Variants in RGPD1 observed in about 807,000 individuals in gnomAD.
RGPD1 encodes RANBP2 like and GRIP domain containing 1, also known as RANBP2-like and GRIP domain-containing protein 1.
A neutral mutation model predicts 40.6 loss-of-function variants in RGPD1; 7 were observed. The ratio of observed to expected loss-of-function variants is 0.17; its 90% CI spans 0.10 to 0.32. The LOEUF is 0.32. Ranked by LOEUF, RGPD1 falls within the 10% of genes least tolerant of loss-of-function variation. RGPD1 has a pLI of 1.00. For synonymous variants in RGPD1, 24 were observed against 167.0 expected, an observed-to-expected ratio of 0.14 and a Z score of 6.60; for missense variants, 50 against 472.5, an observed-to-expected ratio of 0.11 and a Z score of 8.29.
rs554030599 is a variant in RGPD1 at position 86,930,164 on chromosome 2, C to G, written c.72+16243C>G. On this transcript the variant is annotated intron_variant, in intron 1 of 22. Transcript: ENST00000398193. ...GGGGGTGTGGGGGCAGGGGTCACCC[C>G]TGCCCCAGACTCACCCTCCTGATGA... is the stretch of plus-strand genomic sequence containing the variant. 1.7e-5 allele frequency: 24 copies of G among 1,450,838 alleles called. 1 individual carries two copies. In the African/African-American group the frequency reaches 3.2e-4, roughly 19 times the overall value. 89.9% of individuals were successfully genotyped at this position (1,450,838 alleles called of 1,614,324 possible).
In RGPD1 at chr2:86,943,872, G is replaced by T. The variant is rs1256630312; in HGVS notation, c.72+1564G>T. On this transcript the variant is annotated intron_variant, in intron 1 of 22. Coordinates refer to ENST00000641458, the MANE Select transcript of RGPD1 (RefSeq NM_001382344.1). ...CTAAAAATAGAAAAAAAGTTAGCCG[G>T]GCGTGGTGGTGCACACCTGTAGTCC... Among the ~76,000 whole-genome samples, 4 of 152,126 alleles carry T rather than the reference G, an allele frequency of 2.6e-5. No individual in the cohort carries two copies. In the East Asian group the frequency reaches 7.8e-4, roughly 30 times the overall value.
chr2:86,960,633 A>C, intron 6 of RGPD1, among the ~76,000 whole-genome samples: 1 of 124,846 alleles, frequency 8.0e-6, no homozygotes, highest in Non-Finnish European at 1.6e-5. Flanking sequence ...TCTGTTGCCC[A>C]GGCTGGAGTG....
rs1423069944 is a variant in RGPD1, at chr2:86,920,424, GTTCT to G, written c.72+6506_72+6509del. Reference sequence around the variant, plus strand: ...AAGTGACATTATCCTCAATTTTTCTGTTCTTTATTACATGTGAAAAGATTAAGCC... The same window carrying G: ...AAGTGACATTATCCTCAATTTTTCTGTTATTACATGTGAAAAGATTAAGCC... On this transcript the variant is annotated intron_variant, in intron 1 of 22. Transcript: ENST00000398193. Among the ~76,000 whole-genome samples the G allele has an allele frequency of 3.4e-5, 5 of 149,144 alleles. No homozygotes were observed. The East Asian group carries it at 5.8e-4, about 17-fold the overall frequency.
intron 1 of RGPD1, among the ~76,000 whole-genome samples, chr2:86,933,687 AAG>A (rs1679144480): frequency 2.4e-5 from 3 of 123,456 alleles, no homozygotes; most frequent in South Asian, 5.5e-4. Context: ...GTGACACAAA[AAG>A]ATTTTCATTC....
rs1160123598 is a variant in RGPD1 at position 86,918,453 on chromosome 2, C to CTTT, written c.72+4554_72+4556dup. Among the ~76,000 whole-genome samples the CTTT allele has an allele frequency of 3.5e-3, 270 of 78,084 alleles. 4 individuals are homozygous for CTTT. Among genetic ancestry groups the CTTT allele is most frequent in the Middle Eastern group, 0.011 (1 of 94 alleles). The allele number at this position is 78,084 out of a possible 152,430, so 51.2% of individuals were successfully genotyped here. On this transcript the variant is annotated intron_variant, in intron 1 of 22. Coordinates refer to the RGPD1 transcript ENST00000398193. ...TATGTTTTAGCCTTGCACACCAAAT[C>CTTT]TTTTTTTTTTTTTTTTTTTTTTTTG...
chr2:86,925,532 T>G (rs1434807208), intron 1 of RGPD1, among the ~76,000 whole-genome samples: 18 of 152,174 alleles, frequency 1.2e-4, no homozygotes. Flanking sequence ...CCTCCCAAAG[T>G]TTTGGGATTA....
Position 86,918,107 on chromosome 2 carries a change from T to C in RGPD1, c.72+4186T>C, listed in dbSNP as rs1477869624. 3.3e-5 allele frequency among the ~76,000 whole-genome samples: 5 copies of C among 150,524 alleles called. 1 individual carries two copies. The highest frequency in any genetic ancestry group is 4.9e-5 in the African/African-American group (2 of 40,932). On this transcript the variant is annotated intron_variant, in intron 1 of 22. Coordinates refer to the RGPD1 transcript ENST00000398193. ...TAAGATTGTCTTTTTACACACATAT[T>C]GCTTAGGATGTGAAGAGGAAGGTTT...
chr2:86,927,163 G>C (rs1318744258), intron 1 of RGPD1, among the ~76,000 whole-genome samples: 2 of 151,346 alleles, frequency 1.3e-5, no homozygotes, highest in Admixed American at 6.6e-5. Context: ...TACACTTTTT[G>C]CTCCACACAA....
At chr2:86,941,555 C>G (rs1362650517), upstream of RGPD1, among the ~76,000 whole-genome samples, 1 of 150,090 alleles carries the variant, frequency 6.7e-6, no homozygotes, top group Non-Finnish European at 1.5e-5. Context: ...AATGGCTGTT[C>G]CTATATACAC....
At chr2:86,943,888 C>A (rs763801322) in intron 1 of RGPD1, among the ~76,000 whole-genome samples, 9 of 152,012 alleles carry the variant, frequency 5.9e-5, no homozygotes, top group Non-Finnish European at 1.0e-4. Flanking sequence ...GTGGTGCACA[C>A]CTGTAGTCCC....
At chr2:86,937,316 C>A (rs1483687169), upstream of RGPD1, among the ~76,000 whole-genome samples, 1 of 151,614 alleles carries the variant, frequency 6.6e-6, no homozygotes, top group Non-Finnish European at 1.5e-5. Flanking sequence ...TTATTCTGAC[C>A]AGGAGGTCAG....
chr2:86,924,725 A>G (rs779344327), intron 1 of RGPD1, among the ~76,000 whole-genome samples: 12 of 151,754 alleles, frequency 7.9e-5, no homozygotes, highest in Non-Finnish European at 1.3e-4. Context: ...TCCTGCCCCT[A>G]TCTCCCAAAG....
chr2:86,938,615 T>TA (rs1243416193), upstream of RGPD1, among the ~76,000 whole-genome samples: 1 of 150,346 alleles, frequency 6.7e-6, no homozygotes, highest in Admixed American at 6.6e-5. Context: ...AAAAAAAAAA[T>TA]AAATAAATAA....
intron 1 of RGPD1, among the ~76,000 whole-genome samples, chr2:86,927,047 T>C (rs1678561881): frequency 1.3e-5 from 2 of 152,226 alleles, no homozygotes; most frequent in South Asian, 4.1e-4. Flanking sequence ...TCATGATTTT[T>C]TTCATTTGTG....
chr2:86,986,920 AGTGGT>A lies in RGPD1; in HGVS notation c.4023_4027del (p.Ser1341ArgfsTer4). 1.3e-6 allele frequency: 2 copies of A among 1,594,104 alleles called. No homozygotes were observed. The highest frequency in any genetic ancestry group is 1.7e-6 in the Non-Finnish European group (2 of 1,179,352). ...TTTACCTGATCTAGTTGAAGTATCCAGTGGTGAGGAAAATGAACAAGTTGTTTTTA... is the reference window on the plus strand; with the variant it reads ...TTTACCTGATCTAGTTGAAGTATCCAGAGGAAAATGAACAAGTTGTTTTTA... On this transcript the variant is annotated frameshift_variant, in exon 20 of 23. Transcript: ENST00000641458. LOFTEE classifies it high-confidence loss of function.
chr2:86,930,640 C>A (rs1414518352), intron 1 of RGPD1: 7 of 1,611,476 alleles, frequency 4.3e-6, no homozygotes, highest in Non-Finnish European at 5.9e-6. Flanking sequence ...TGAACACTCT[C>A]ACAGAGGTAG....
In RGPD1 at chr2:86,926,801, C is replaced by T. The variant is rs985344333; in HGVS notation, c.72+12880C>T. Among the ~76,000 whole-genome samples, 9 of 152,124 alleles carry T rather than the reference C, an allele frequency of 5.9e-5. 1 individual carries two copies. Among genetic ancestry groups the T allele is most frequent in the Admixed American group, 3.3e-4 (5 of 15,264 alleles). On this transcript the variant is annotated intron_variant, in intron 1 of 22. Transcript: ENST00000398193. Reference sequence around the variant, plus strand: ...TTGTCTGAGATCTCACAAATACAACCTAGATAAGAACCCAGGTATTATTAT... The same window carrying T: ...TTGTCTGAGATCTCACAAATACAACTTAGATAAGAACCCAGGTATTATTAT...
chr2:86,945,376 G>A (rs1490008409), intron 1 of RGPD1, among the ~76,000 whole-genome samples: 2 of 152,140 alleles, frequency 1.3e-5, no homozygotes, highest in Admixed American at 1.3e-4. Context: ...ACAAAACAGG[G>A]TGCTTTGGAT....
chr2:86,914,702 CGGCGGCCTCGACCTGGCCG>C (rs1677689843), intron 1 of RGPD1, among the ~76,000 whole-genome samples: 1 of 40,956 alleles, frequency 2.4e-5, no homozygotes, highest in Non-Finnish European at 4.6e-5. Context: ...GCGGCGGCGG[CGGCGGCCTCGACCTGGCCG>C]GGCGGCGGCG....
Sources: allele counts gnomAD v4.1 joint callset (sites outside exome capture counted in the v4.1 genomes callset), GRCh38; gene constraint gnomAD v4.1.1; transcripts MANE v1.5; gene names NCBI Gene and HGNC (gene_info 2026-07-23, HGNC 2026-07-21).